The following BCAS3 variants were observed in gnomAD, a reference collection of about 807,000 sequenced individuals.
BCAS3 encodes the protein BCAS3 microtubule associated cell migration factor.
A neutral mutation model predicts 116.1 loss-of-function variants in BCAS3; 53 were observed. The ratio of observed to expected loss-of-function variants is 0.46; its 90% CI spans 0.37 to 0.57. BCAS3 has a LOEUF of 0.57. Among genes scored for constraint, BCAS3 ranks in the 20% least tolerant of loss-of-function variants. BCAS3 has a pLI of 0.00. For synonymous variants in BCAS3, 391 were observed against 408.2 expected (o/e 0.96, Z 0.51); for missense variants, 917 against 1,165.4 (o/e 0.79, Z 3.10).
chr17:60,849,390 A>G (rs1268466496), intron 7 of BCAS3, among the ~76,000 whole-genome samples: 1 of 151,116 alleles, frequency 6.6e-6, no homozygotes, highest in Non-Finnish European at 1.5e-5. Context: ...GAACTAGTCT[A>G]TTTATAGCTC....
chr17:61,223,014 C>G (rs1353321888), intron 22 of BCAS3, among the ~76,000 whole-genome samples: 3 of 152,176 alleles, frequency 2.0e-5, no homozygotes, highest in Non-Finnish European at 4.4e-5. Flanking sequence ...TTCCCAAAAT[C>G]ACTAGTTTAA....
At chr17:60,940,976 T>C (rs2060191232) in intron 13 of BCAS3, among the ~76,000 whole-genome samples, 1 of 152,238 alleles carries the variant, frequency 6.6e-6, no homozygotes, top group South Asian at 2.1e-4. Flanking sequence ...GTTAACCAGC[T>C]GACGCCCAGT....
Position 61,337,669 on chromosome 17 carries a change from G to T in BCAS3, c.2426-30658G>T, listed in dbSNP as rs958484849. Among the ~76,000 whole-genome samples the T allele has an allele frequency of 6.6e-6, 1 of 150,606 alleles. No homozygotes were observed. Among genetic ancestry groups the T allele is most frequent in the Non-Finnish European group, 1.5e-5 (1 of 67,602 alleles). ...GAATGTTGGTGGGATTGTTTTTATT[G>T]TTTTTTTTTCCTTTTTCTTTTTGCG... On this transcript the variant is annotated intron_variant, in intron 22 of 23. Coordinates refer to ENST00000407086, the MANE Select transcript of BCAS3 (RefSeq NM_017679.5). This position sits in a 1 kb window ranked among gnomAD's most constrained non-coding sequence, Gnocchi z 4.8.
At chr17:60,695,265 C>T (rs899405658) in intron 4 of BCAS3, among the ~76,000 whole-genome samples, 15 of 151,926 alleles carry the variant, frequency 9.9e-5, no homozygotes, top group Non-Finnish European at 1.8e-4. Context: ...GGACTACAGG[C>T]GTGCGCCATC....
chr17:61,135,648 G>A (rs1043312833), intron 22 of BCAS3, among the ~76,000 whole-genome samples: 2 of 152,116 alleles, frequency 1.3e-5, no homozygotes, highest in Admixed American at 1.3e-4. Flanking sequence ...TGCAGCCCAC[G>A]GGCTAGAACA....
At chr17:60,965,597 A>T (rs2061618064) in intron 14 of BCAS3, among the ~76,000 whole-genome samples, 1 of 152,160 alleles carries the variant, frequency 6.6e-6, no homozygotes, top group Admixed American at 6.6e-5. Context: ...TAATTTCTTC[A>T]TTGACCTATT....
At chr17:61,069,954 G>T in intron 19 of BCAS3, 1 of 1,574,142 alleles carries the variant, frequency 6.4e-7, no homozygotes, top group Admixed American at 1.7e-5. Flanking sequence ...AGAAGGCAGT[G>T]TTGAAAGGTG....
chr17:61,212,624 T>C (rs1240940430), intron 22 of BCAS3, among the ~76,000 whole-genome samples: 1 of 151,890 alleles, frequency 6.6e-6, no homozygotes. Flanking sequence ...TATATACATA[T>C]AAACATATAA....
At chr17:60,732,899 A>T (rs2040602794) in intron 5 of BCAS3, among the ~76,000 whole-genome samples, 1 of 152,210 alleles carries the variant, frequency 6.6e-6, no homozygotes. Flanking sequence ...ATATTCTTCA[A>T]TATGGTATTT....
In BCAS3 at chr17:60,990,703, A is replaced by G. The variant is rs1600270717; in HGVS notation, c.1486+468A>G. 1.3e-5 allele frequency among the ~76,000 whole-genome samples: 2 copies of G among 151,996 alleles called. No homozygotes were observed. Among genetic ancestry groups the G allele is most frequent in the East Asian group, 3.9e-4 (2 of 5,158 alleles). On this transcript the variant is annotated intron_variant, in intron 15 of 23. Transcript: ENST00000407086. This position sits in a 1 kb window ranked among gnomAD's most constrained non-coding sequence, Gnocchi z 5.1. Reference sequence around the variant, plus strand: ...GCACTGTAGCCTGGGCTGGCATGCAATGGCGTGATCTCGGCTGACTGCAAC... The same window carrying G: ...GCACTGTAGCCTGGGCTGGCATGCAGTGGCGTGATCTCGGCTGACTGCAAC...
In BCAS3 at chr17:61,029,658, C is replaced by G. The variant is rs1024224993; in HGVS notation, c.1638-5008C>G. Among the ~76,000 whole-genome samples, 12 of 151,996 alleles carry G rather than the reference C, an allele frequency of 7.9e-5. No individual in the cohort carries two copies. The highest frequency in any genetic ancestry group is 2.9e-4 in the African/African-American group (12 of 41,502). On this transcript the variant is annotated intron_variant, in intron 16 of 23. Transcript: ENST00000407086. The surrounding 1 kb of genome is among the most constrained non-coding windows in gnomAD (Gnocchi z 5.2). Reference sequence around the variant, plus strand: ...TTTGAATTGCTTATCAAAAAACATACATGACAGGTAGACAATGGGTAGTCC... The same window carrying G: ...TTTGAATTGCTTATCAAAAAACATAGATGACAGGTAGACAATGGGTAGTCC...
rs542025050 is a variant in BCAS3, at chr17:61,307,912, A to G, written c.2426-60415A>G. On this transcript the variant is annotated intron_variant, in intron 22 of 23. Coordinates refer to ENST00000407086, the MANE Select transcript of BCAS3 (RefSeq NM_017679.5). This position sits in a 1 kb window ranked among gnomAD's most constrained non-coding sequence, Gnocchi z 4.7. ...CAAATAATGTTACGTGAGCAACCCC[A>G]AACAGTATACACCTTGACAATGTGG... Among the ~76,000 whole-genome samples, 46 of 151,788 alleles carry G rather than the reference A, an allele frequency of 3.0e-4. No individual in the cohort carries two copies. In the South Asian group the frequency reaches 9.3e-3, roughly 31 times the overall value.
chr17:60,778,793 A>T (rs1246355276), intron 6 of BCAS3, among the ~76,000 whole-genome samples: 1 of 152,164 alleles, frequency 6.6e-6, no homozygotes, highest in Non-Finnish European at 1.5e-5. Context: ...GATCAGCCCT[A>T]GTGTTTGACC....
intron 22 of BCAS3, among the ~76,000 whole-genome samples, chr17:61,187,018 C>T (rs1311360522): frequency 6.6e-6 from 1 of 152,130 alleles, no homozygotes; most frequent in Non-Finnish European, 1.5e-5. Context: ...CCAACAGTTT[C>T]TTTATTCTTC....
chr17:61,159,477 T>C (rs1276613358), intron 22 of BCAS3: 1 of 152,200 alleles, frequency 6.6e-6, no homozygotes, highest in African/African-American at 2.4e-5. Flanking sequence ...GATGTATGGA[T>C]TTTTATTGAA....
At chr17:61,206,113 A>G (rs957919688) in intron 22 of BCAS3, among the ~76,000 whole-genome samples, 1 of 152,186 alleles carries the variant, frequency 6.6e-6, no homozygotes, top group Non-Finnish European at 1.5e-5. Flanking sequence ...GAAAGTTTGT[A>G]TAGGCCCCTC....
chr17:61,250,203 G>A (rs1472691491), intron 22 of BCAS3, among the ~76,000 whole-genome samples: 4 of 152,072 alleles, frequency 2.6e-5, no homozygotes, highest in Admixed American at 1.3e-4. Flanking sequence ...TTCCTAGATC[G>A]TTTATCCCCC....
intron 19 of BCAS3, among the ~76,000 whole-genome samples, chr17:61,072,527 G>A (rs144729585): frequency 1.1e-4 from 16 of 152,110 alleles, no homozygotes; most frequent in Admixed American, 2.0e-4. Flanking sequence ...TCTGTGACAC[G>A]TACTAGTCTA....
intron 9 of BCAS3, among the ~76,000 whole-genome samples, chr17:60,880,119 T>C (rs1435918519): frequency 6.6e-6 from 1 of 152,220 alleles, no homozygotes. Flanking sequence ...CATTGAGTCT[T>C]AGAATGGCAG....
Sources: gnomAD v4.1 joint callset for allele counts (sites outside exome capture counted in the v4.1 genomes callset) on GRCh38, gnomAD v4.1.1 for gene constraint, Gnocchi (gnomAD v3.1) non-coding constraint, MANE v1.5 for transcripts, NCBI Gene and HGNC (gene_info 2026-07-23, HGNC 2026-07-21) for gene names.